SLC39A8: variants seen among roughly 807,000 people sequenced by gnomAD.
SLC39A8 encodes solute carrier family 39 member 8.
A neutral mutation model predicts 40.4 loss-of-function variants in SLC39A8; 15 were observed. That is an observed-to-expected ratio of 0.37 (90% confidence interval 0.25 to 0.57). The LOEUF is 0.57. Among genes scored for constraint, SLC39A8 ranks in the 20% least tolerant of loss-of-function variants. The pLI, the probability that SLC39A8 is intolerant of heterozygous loss-of-function variation, is 0.75. For synonymous variants in SLC39A8, 223 were observed against 221.6 expected (o/e 1.01, Z -0.06); for missense variants, 472 against 558.8 (o/e 0.84, Z 1.57).
chr4:102,268,966 T>A (rs572707202), intron 6 of SLC39A8, among the ~76,000 whole-genome samples: 3 of 152,210 alleles, frequency 2.0e-5, no homozygotes, highest in Non-Finnish European at 4.4e-5. Flanking sequence ...TGCAATTAAC[T>A]GGAGAACATT....
In SLC39A8 at chr4:102,261,677, G is replaced by C; in HGVS notation, c.*1367C>G. On this transcript the variant is annotated 3_prime_UTR_variant, in exon 9 of 9. Transcript: ENST00000356736. ...AATGACACAATACATGGTTTCAAAA[G>C]GGTGTTTACTATTTGGCCAAACAAT... 1 of 975,390 alleles carries C rather than the reference G, an allele frequency of 1.0e-6. No individual in the cohort carries two copies. Among genetic ancestry groups the C allele is most frequent in the Non-Finnish European group, 1.2e-6 (1 of 820,314 alleles). 60.4% of individuals were successfully genotyped at this position (975,390 alleles called of 1,614,324 possible). A position where few individuals can be genotyped will look rare whatever the true frequency, so the allele number is the denominator to read the frequency against.
At chr4:102,290,128 G>A (rs994469031) in intron 6 of SLC39A8, among the ~76,000 whole-genome samples, 2 of 152,128 alleles carry the variant, frequency 1.3e-5, no homozygotes, top group Non-Finnish European at 2.9e-5. Flanking sequence ...GTCAGCAGCC[G>A]TCAACATCAG....
intron 6 of SLC39A8, among the ~76,000 whole-genome samples, chr4:102,278,808 C>T (rs57742487): frequency 0.075 from 11,482 of 152,146 alleles, 618 homozygotes; most frequent in South Asian, 0.15. Flanking sequence ...ACTATGCAGA[C>T]ATAAAAAAGG....
intron 2 of SLC39A8, among the ~76,000 whole-genome samples, chr4:102,338,938 T>C (rs1735793331): frequency 6.6e-6 from 1 of 152,170 alleles, no homozygotes; most frequent in Non-Finnish European, 1.5e-5. Flanking sequence ...TTACATTACA[T>C]ATAAAAGGGT....
In SLC39A8 at chr4:102,292,430, G is replaced by A. The variant is rs180771267; in HGVS notation, c.840+11887C>T. On this transcript the variant is annotated intron_variant, in intron 6 of 8. Transcript: ENST00000356736. The stretch of plus-strand genomic sequence containing the variant: ...TTGTTCTCTGCAAACTGCCATGGAG[G>A]CCCTGTTCTCTTAGTCTATTCTGGA... Among the ~76,000 whole-genome samples the A allele has an allele frequency of 1.4e-3, 213 of 152,104 alleles. 1 individual carries two copies. Among genetic ancestry groups the A allele is most frequent in the Non-Finnish European group, 2.0e-3 (138 of 67,960 alleles).
At position 102,344,683 on chromosome 4, in the gene SLC39A8, G is replaced by A. The variant is rs1560576299; in HGVS notation, c.-21C>T. On this transcript the variant is annotated 5_prime_UTR_variant, in exon 2 of 9. Coordinates refer to ENST00000356736, the MANE Select transcript of SLC39A8 (RefSeq NM_001135146.2). Reference sequence around the variant, plus strand: ...GCCATCCTGGCCTGGGCTTCCCCTTGAGGGCCCGCGACGGGCTGCCGCGCA... The same window carrying A: ...GCCATCCTGGCCTGGGCTTCCCCTTAAGGGCCCGCGACGGGCTGCCGCGCA... The A allele has an allele frequency of 3.5e-6, 5 of 1,434,954 alleles. No individual in the cohort carries two copies. Among genetic ancestry groups the A allele is most frequent in the Non-Finnish European group, 3.6e-6 (4 of 1,101,470 alleles). The allele number at this position is 1,434,954 out of a possible 1,614,324, so 88.9% of individuals were successfully genotyped here. A position where few individuals can be genotyped will look rare whatever the true frequency, so the allele number is the denominator to read the frequency against.
chr4:102,313,240 G>A (rs1433516911), intron 3 of SLC39A8, among the ~76,000 whole-genome samples: 1 of 152,082 alleles, frequency 6.6e-6, no homozygotes, highest in Non-Finnish European at 1.5e-5. Context: ...GTGTAACTTT[G>A]AGCAAATGAC....
At chr4:102,276,399 A>C (rs1732617970) in intron 6 of SLC39A8, among the ~76,000 whole-genome samples, 1 of 152,208 alleles carries the variant, frequency 6.6e-6, no homozygotes, top group Non-Finnish European at 1.5e-5. Context: ...GAAATGGATA[A>C]ATTCCTGGAC....
chr4:102,314,251 T>C (rs1158504682), intron 3 of SLC39A8, among the ~76,000 whole-genome samples: 3 of 151,976 alleles, frequency 2.0e-5, no homozygotes. Context: ...CCACTTCTAC[T>C]TCCCCCACTT....
intron 2 of SLC39A8, among the ~76,000 whole-genome samples, chr4:102,342,546 T>A (rs1395074504): frequency 5.3e-5 from 8 of 152,278 alleles, no homozygotes; most frequent in African/African-American, 1.9e-4. Context: ...GCTTATTAAG[T>A]GGTAAATTTT....
chr4:102,278,417 T>C (rs1380384337), intron 6 of SLC39A8, among the ~76,000 whole-genome samples: 1 of 152,166 alleles, frequency 6.6e-6, no homozygotes, highest in Non-Finnish European at 1.5e-5. Context: ...ATTAGCGAAA[T>C]GCAAATCAAA....
At chr4:102,305,525 T>C (rs1412915056) in intron 4 of SLC39A8, among the ~76,000 whole-genome samples, 4 of 152,044 alleles carry the variant, frequency 2.6e-5, no homozygotes, top group African/African-American at 4.8e-5. Flanking sequence ...TATTAGTCCA[T>C]GATATCCAGA....
chr4:102,332,101 C>T (rs1735491546), intron 2 of SLC39A8, among the ~76,000 whole-genome samples: 1 of 152,130 alleles, frequency 6.6e-6, no homozygotes, highest in South Asian at 2.1e-4. Context: ...AGGACATAGA[C>T]ATGGGCAAAG....
At chr4:102,256,552 C>A (rs1731712595) in intron 11 of SLC39A8, among the ~76,000 whole-genome samples, 1 of 152,162 alleles carries the variant, frequency 6.6e-6, no homozygotes, top group Admixed American at 6.5e-5. Context: ...AGATATTTTT[C>A]TCTGTATGCA....
At chr4:102,274,021 A>C (rs996947952) in intron 6 of SLC39A8, among the ~76,000 whole-genome samples, 1 of 152,246 alleles carries the variant, frequency 6.6e-6, no homozygotes, top group African/African-American at 2.4e-5. Flanking sequence ...TAAAAATTCC[A>C]AAAACCAGAA....
intron 6 of SLC39A8, among the ~76,000 whole-genome samples, chr4:102,275,386 G>A (rs1311588707): frequency 6.6e-6 from 1 of 152,028 alleles, no homozygotes; most frequent in Non-Finnish European, 1.5e-5. Context: ...AGACAAAAAA[G>A]GGCATTACAT....
At chr4:102,278,932 G>A (rs1488199772) in intron 6 of SLC39A8, among the ~76,000 whole-genome samples, 3 of 151,902 alleles carry the variant, frequency 2.0e-5, no homozygotes, top group Non-Finnish European at 4.4e-5. Context: ...ACTCATAAGT[G>A]AGAGTTGAAC....
At position 102,344,811 on chromosome 4, in the gene SLC39A8, C is replaced by T. The variant is rs1736101417; in HGVS notation, c.-149G>A. On this transcript the variant is annotated 5_prime_UTR_variant, in exon 2 of 9. Transcript: ENST00000356736. The stretch of plus-strand genomic sequence containing the variant: ...GTGGCGCGGGACGCCCCTGGTTCTC[C>T]GACGCCTTCGAAAGAACAGCAGCTC... 7.6e-7 allele frequency: 1 copy of T among 1,320,460 alleles called. No homozygotes were observed. The highest frequency in any genetic ancestry group is 9.6e-7 in the Non-Finnish European group (1 of 1,039,924). The allele number at this position is 1,320,460 out of a possible 1,614,324, so 81.8% of individuals were successfully genotyped here.
At chr4:102,321,348 C>T (rs996900833) in intron 2 of SLC39A8, among the ~76,000 whole-genome samples, 6 of 152,106 alleles carry the variant, frequency 3.9e-5, no homozygotes, top group South Asian at 2.1e-4. Context: ...GGAGGGTCCT[C>T]GGAGAATCTC....
Sources: allele counts gnomAD v4.1 joint callset (sites outside exome capture counted in the v4.1 genomes callset), GRCh38; gene constraint gnomAD v4.1.1; transcripts MANE v1.5; gene names NCBI Gene and HGNC (gene_info 2026-07-23, HGNC 2026-07-21).